SRGAP3: variants seen among roughly 807,000 people sequenced by gnomAD.
SRGAP3 encodes SLIT-ROBO Rho GTPase-activating protein 3.
In SRGAP3, 39 loss-of-function variants were observed where a neutral mutation model predicts 121.1. The ratio of observed to expected loss-of-function variants is 0.32; its 90% confidence interval spans 0.25 to 0.42. The LOEUF (loss-of-function observed/expected upper bound fraction) is 0.42, where lower values mean the gene tolerates loss of function less well. SRGAP3 is among the 10% of genes least tolerant of loss of function. SRGAP3 has a pLI of 1.00. For missense variants in SRGAP3, 1,213 were observed against 1,470.6 expected (o/e 0.82, Z 2.86); for synonymous variants, 601 against 570.0 (o/e 1.05, Z -0.77).
At chr3:9,149,421 T>C (rs1950137755) in intron 1 of SRGAP3, among the ~76,000 whole-genome samples, 1 of 152,104 alleles carries the variant, frequency 6.6e-6, no homozygotes, top group Non-Finnish European at 1.5e-5. Flanking sequence ...TTCTTCAGTC[T>C]CTCCTTGTAT....
intron 1 of SRGAP3, among the ~76,000 whole-genome samples, chr3:9,161,751 T>C (rs529173635): frequency 2.0e-5 from 3 of 152,338 alleles, no homozygotes; most frequent in South Asian, 2.1e-4. Context: ...TTGCTCCTCA[T>C]GCACAGGGAT....
chr3:9,341,269 G>T (rs1387172654), intron 1 of SRGAP3, among the ~76,000 whole-genome samples: 7 of 149,614 alleles, frequency 4.7e-5, no homozygotes, highest in African/African-American at 1.8e-4. Flanking sequence ...AGAGCAGCAC[G>T]ATGTGGACAC....
At chr3:9,031,989 C>T (rs976747813) in intron 12 of SRGAP3, among the ~76,000 whole-genome samples, 2 of 152,188 alleles carry the variant, frequency 1.3e-5, no homozygotes, top group African/African-American at 4.8e-5. Context: ...ATACCCTTTA[C>T]ACCAAAGAGA....
intron 3 of SRGAP3, among the ~76,000 whole-genome samples, chr3:9,086,822 TATAG>T (rs1325502403): frequency 7.7e-6 from 1 of 130,660 alleles, no homozygotes; most frequent in African/African-American, 3.2e-5. Flanking sequence ...TACATATACA[TATAG>T]GTATAGTACA....
At chr3:9,269,323 G>A (rs1387606563) in intron 3 of SRGAP3, among the ~76,000 whole-genome samples, 2 of 152,282 alleles carry the variant, frequency 1.3e-5, no homozygotes, top group South Asian at 2.1e-4. Context: ...AGTGCTCCCC[G>A]GCAGTGCTGT....
intron 12 of SRGAP3, among the ~76,000 whole-genome samples, chr3:9,027,423 T>C (rs1944271311): frequency 6.6e-6 from 1 of 152,184 alleles, no homozygotes; most frequent in Non-Finnish European, 1.5e-5. Context: ...CAGTACCTGA[T>C]GTCAGAATTA....
chr3:9,097,295 C>T (rs951138185), intron 3 of SRGAP3, among the ~76,000 whole-genome samples: 4 of 151,956 alleles, frequency 2.6e-5, no homozygotes, highest in South Asian at 2.1e-4. Flanking sequence ...CTGGCCTAAT[C>T]GCTATAATAT....
At chr3:9,038,608 T>C (rs981390832) in intron 10 of SRGAP3, among the ~76,000 whole-genome samples, 1 of 152,264 alleles carries the variant, frequency 6.6e-6, no homozygotes, top group Non-Finnish European at 1.5e-5. Flanking sequence ...TCCTCCACCC[T>C]GCTGCCCTGC....
chr3:9,257,347 C>CTCTCTT (rs1954153875), intron 3 of SRGAP3: 1 of 152,094 alleles, frequency 6.6e-6, no homozygotes, highest in Non-Finnish European at 1.5e-5. Context: ...AAAGCGAACT[C>CTCTCTT]TCTCTCTTTC....
intron 1 of SRGAP3, among the ~76,000 whole-genome samples, chr3:9,199,198 A>G (rs1951997658): frequency 6.6e-6 from 1 of 152,298 alleles, no homozygotes; most frequent in East Asian, 1.9e-4. Context: ...TGCATTTGCA[A>G]TGGGCTTAAT....
chr3:9,060,079 A>T (rs376379983), intron 6 of SRGAP3, 152 bp downstream of exon 6: 4 of 1,248,972 alleles, frequency 3.2e-6, no homozygotes, highest in Non-Finnish European at 4.6e-6. Flanking sequence ...CACCTCCCCA[A>T]ATCACTGCCC....
intron 13 of SRGAP3, among the ~76,000 whole-genome samples, chr3:9,025,767 A>T (rs1944166915): frequency 6.6e-6 from 1 of 152,182 alleles, no homozygotes; most frequent in Non-Finnish European, 1.5e-5. Flanking sequence ...CTTATACATG[A>T]CATGACAGTA....
At chr3:9,129,717 C>T (rs1949369577) in intron 1 of SRGAP3, among the ~76,000 whole-genome samples, 1 of 151,942 alleles carries the variant, frequency 6.6e-6, no homozygotes, top group Non-Finnish European at 1.5e-5. Context: ...TCTCCCAGCA[C>T]ATAATAGGTC....
Position 8,993,072 on chromosome 3 carries a change from C to A in SRGAP3, c.2409-17G>T. 1 of 1,613,644 alleles carries A rather than the reference C, an allele frequency of 6.2e-7. No homozygotes were observed. Among genetic ancestry groups the A allele is most frequent in the Non-Finnish European group, 8.5e-7 (1 of 1,180,038 alleles). ...GCATCATCCCTGGGGAGAAGACAGA[C>A]ATGAATTGGAGGCACCTTCCCCCAA... On this transcript the variant is annotated splice_polypyrimidine_tract_variant and intron_variant, in intron 19 of 21. Transcript: ENST00000383836.
intron 2 of SRGAP3, among the ~76,000 whole-genome samples, chr3:9,329,866 A>T (rs888861753): frequency 7.9e-5 from 12 of 152,202 alleles, no homozygotes; most frequent in African/African-American, 2.9e-4. Flanking sequence ...AGTGCAAGGC[A>T]GATTATTCCA....
At position 9,245,816 on chromosome 3, in the gene SRGAP3, C is replaced by T. The variant is rs4686333; in HGVS notation, c.67+3069G>A. Among the ~76,000 whole-genome samples the T allele has an allele frequency of 5.5e-3, 841 of 152,104 alleles. 35 individuals are homozygous for T. Among genetic ancestry groups the T allele is most frequent in the Admixed American group, 0.05 (771 of 15,276 alleles). ...GCACGTGCCTGTAATGCCAGCTACT[C>T]GGGAGGCTGAGGGAGGAGAATCTCT... On this transcript the variant is annotated intron_variant, in intron 1 of 21. Transcript: ENST00000383836.
chr3:9,289,097 C>T (rs1485112377), intron 3 of SRGAP3, among the ~76,000 whole-genome samples: 1 of 151,922 alleles, frequency 6.6e-6, no homozygotes, highest in Non-Finnish European at 1.5e-5. Flanking sequence ...TGGGGTTTTA[C>T]CACGTTGATC....
At chr3:9,091,774 C>T (rs996542375) in intron 3 of SRGAP3, among the ~76,000 whole-genome samples, 6 of 152,144 alleles carry the variant, frequency 3.9e-5, no homozygotes, top group African/African-American at 1.4e-4. Flanking sequence ...CCTCCTTAGC[C>T]GGGTTCCTGC....
chr3:9,021,947 A>G (rs997027584), intron 14 of SRGAP3, among the ~76,000 whole-genome samples: 1 of 152,174 alleles, frequency 6.6e-6, no homozygotes, highest in Non-Finnish European at 1.5e-5. Context: ...GATGGCACAC[A>G]CCTGTAATCC....
Sources: allele counts gnomAD v4.1 joint callset (sites outside exome capture counted in the v4.1 genomes callset), GRCh38; gene constraint gnomAD v4.1.1; transcripts MANE v1.5; gene names NCBI Gene and HGNC (gene_info 2026-07-23, HGNC 2026-07-21).